Variants in LOC400499 observed in about 807,000 individuals in gnomAD.
At chr16:11,464,663 A>C in the LOC400499 span, among the ~76,000 whole-genome samples, 44 of 152,312 alleles carry the variant, frequency 2.9e-4, no homozygotes, top group Non-Finnish European at 5.1e-4. Flanking sequence ...GAGGACTTGA[A>C]GGGGGGACCT....
chr16:11,511,935 T>G, the LOC400499 span, among the ~76,000 whole-genome samples: 4 of 152,084 alleles, frequency 2.6e-5, no homozygotes, highest in Admixed American at 2.0e-4. Context: ...GGGGAACCCC[T>G]TGACCCCAGG....
chr16:11,394,214 C>G, the LOC400499 span, among the ~76,000 whole-genome samples: 4 of 152,216 alleles, frequency 2.6e-5, 1 homozygote, highest in East Asian at 7.7e-4. Context: ...ACCCCAGGCA[C>G]TGGGCAGCTT....
the LOC400499 span, among the ~76,000 whole-genome samples, chr16:11,517,780 C>T: frequency 7.2e-5 from 11 of 151,964 alleles, no homozygotes; most frequent in African/African-American, 1.2e-4. Context: ...AGTGAAGGGA[C>T]GGGGAAGTGA....
At chr16:11,383,366 C>T in the LOC400499 span, among the ~76,000 whole-genome samples, 1 of 152,212 alleles carries the variant, frequency 6.6e-6, no homozygotes, top group Non-Finnish European at 1.5e-5. Flanking sequence ...CGTGCCCAGC[C>T]TTGCCAGCTT....
At chr16:11,500,980 C>G in the LOC400499 span, 1 of 399,078 alleles carries the variant, frequency 2.5e-6, no homozygotes, top group South Asian at 1.3e-4. Context: ...CTGAGATCAT[C>G]AAGGCGACCC....
the LOC400499 span, among the ~76,000 whole-genome samples, chr16:11,478,275 G>GC: frequency 2.4e-4 from 36 of 148,128 alleles, no homozygotes; most frequent in Non-Finnish European, 4.8e-4. Flanking sequence ...TGATCCACCC[G>GC]CCCCAGCCTC....
chr16:11,385,985 G>A, the LOC400499 span, among the ~76,000 whole-genome samples: 2 of 152,134 alleles, frequency 1.3e-5, no homozygotes, highest in African/African-American at 4.8e-5. Flanking sequence ...ATGGTGAGCT[G>A]AGATGGCGCC....
chr16:11,384,186 G>C, the LOC400499 span: 2 of 1,223,506 alleles, frequency 1.6e-6, no homozygotes, highest in Non-Finnish European at 2.0e-6. Flanking sequence ...ACCTCAGCTG[G>C]AAGCAGGACA....
the LOC400499 span, among the ~76,000 whole-genome samples, chr16:11,437,095 G>A: frequency 1.3e-5 from 2 of 152,226 alleles, no homozygotes; most frequent in Non-Finnish European, 2.9e-5. Context: ...CCAACTCTAT[G>A]ACATTCTGGA....
the LOC400499 span, among the ~76,000 whole-genome samples, chr16:11,378,248 T>C: frequency 4.1e-5 from 6 of 145,506 alleles, no homozygotes; most frequent in Admixed American, 1.4e-4. Context: ...CTGCTTTTTT[T>C]TTCTTTTTTT....
the LOC400499 span, among the ~76,000 whole-genome samples, chr16:11,492,126 C>T: frequency 6.6e-5 from 10 of 152,310 alleles, no homozygotes; most frequent in South Asian, 4.1e-4. Flanking sequence ...AAACTATTTA[C>T]GAAAACAGCA....
the LOC400499 span, chr16:11,442,499 A>C: frequency 7.2e-5 from 11 of 152,218 alleles, no homozygotes; most frequent in African/African-American, 2.2e-4. Flanking sequence ...CTAGTATTAC[A>C]GGCGTGAGCC....
chr16:11,391,096 T>A, the LOC400499 span, among the ~76,000 whole-genome samples: 2 of 152,066 alleles, frequency 1.3e-5, no homozygotes, highest in Non-Finnish European at 2.9e-5. Context: ...GCCCTGGGGG[T>A]GGTCACAGGA....
chr16:11,401,177 T>C, the LOC400499 span: 2 of 398,588 alleles, frequency 5.0e-6, no homozygotes. Flanking sequence ...ACTCTCCTTC[T>C]CCTACCAGAG....
the LOC400499 span, among the ~76,000 whole-genome samples, chr16:11,505,444 T>TC: frequency 7.7e-6 from 1 of 129,364 alleles, no homozygotes; most frequent in African/African-American, 2.8e-5. Context: ...ATTTTTCTTT[T>TC]CTTTTTTTTT....
chr16:11,508,778 T>C, the LOC400499 span: 4 of 399,002 alleles, frequency 1.0e-5, no homozygotes, highest in Non-Finnish European at 1.8e-5. Flanking sequence ...GTGGCCACCA[T>C]GGCCTGGGAT....
chr16:11,460,165 G>C, the LOC400499 span: 1 of 957,572 alleles, frequency 1.0e-6, no homozygotes, highest in Non-Finnish European at 1.4e-6. Context: ...CAGAAGAGAC[G>C]GTTCTGTAGA....
chr16:11,483,397 C>G, the LOC400499 span, among the ~76,000 whole-genome samples: 1 of 152,106 alleles, frequency 6.6e-6, no homozygotes, highest in Non-Finnish European at 1.5e-5. Context: ...CTGGAAACAG[C>G]TCGAATGTCA....
chr16:11,512,353 C>A, the LOC400499 span, among the ~76,000 whole-genome samples: 1 of 152,172 alleles, frequency 6.6e-6, no homozygotes, highest in Non-Finnish European at 1.5e-5. Flanking sequence ...AGTCCCAGCA[C>A]TTTGGGAGGC....
Sources: allele counts gnomAD v4.1 joint callset (sites outside exome capture counted in the v4.1 genomes callset), GRCh38; gene constraint gnomAD v4.1.1; transcripts MANE v1.5.